Variants in PDAP1 observed in about 807,000 individuals in gnomAD.
The protein encoded by PDAP1 is PDGFA associated protein 1, also known as 28 kDa heat- and acid-stable phosphoprotein.
Under a neutral mutation model 28.0 loss-of-function variants are expected in PDAP1, and 13 were observed. The observed-to-expected ratio is 0.46, with a 90% CI of 0.30 to 0.74. PDAP1 has a LOEUF of 0.74. PDAP1 is among the 30% of genes least tolerant of loss of function. The pLI, the probability that PDAP1 is intolerant of heterozygous loss-of-function variation, is 0.07. For missense variants in PDAP1, 150 were observed against 230.0 expected, an observed-to-expected ratio of 0.65 and a Z score of 2.25; for synonymous variants, 77 against 85.1, an observed-to-expected ratio of 0.91 and a Z score of 0.52.
chr7:99,403,457 T>G lies in PDAP1; in HGVS notation c.154A>C (p.Lys52Gln). 6.2e-7 allele frequency: 1 copy of G among 1,612,938 alleles called. No homozygotes were observed. Among genetic ancestry groups the G allele is most frequent in the Non-Finnish European group, 8.5e-7 (1 of 1,178,896 alleles). ...GAGTCTAGAGATTTCTTCTCCTTTTTGGGGTCACCTGCAGCCCCATCTCCA... is the reference window on the plus strand; with the variant it reads ...GAGTCTAGAGATTTCTTCTCCTTTTGGGGGTCACCTGCAGCCCCATCTCCA... ...EGGDGAAGDP[K>Q]KEKKSLDSDE... The change falls in exon 3 of 6, where the codon AAA (lysine) becomes CAA (glutamine). Residue 52 changes from lysine to glutamine, a missense_variant. Coordinates refer to ENST00000350498, the MANE Select transcript of PDAP1 (RefSeq NM_014891.7).
Position 99,401,621 on chromosome 7 carries a change from G to A in PDAP1, c.214-1197C>T, listed in dbSNP as rs550685799. The stretch of plus-strand genomic sequence containing the variant: ...ATTACAGGTGTGAGCCACCACACCC[G>A]GCCCAGGATTTCTGATCTGAACACT... On this transcript the variant is annotated intron_variant, in intron 3 of 5. Transcript: ENST00000350498. Among the ~76,000 whole-genome samples the A allele has an allele frequency of 2.6e-5, 4 of 152,016 alleles. 1 individual carries two copies. Among genetic ancestry groups the A allele is most frequent in the Middle Eastern group, 6.8e-3 (2 of 294 alleles).
chr7:99,400,492 CAT>C, intron 3 of PDAP1, 68 bp from the exon 4 acceptor site: 1 of 1,578,426 alleles, frequency 6.3e-7, no homozygotes, highest in Non-Finnish European at 8.7e-7. Context: ...CCACTCCTGC[CAT>C]CTCTCAACAG....
chr7:99,400,990 G>A (rs1291843235), intron 3 of PDAP1, among the ~76,000 whole-genome samples: 1 of 152,162 alleles, frequency 6.6e-6, no homozygotes, highest in Admixed American at 6.5e-5. Context: ...AGAAGTTCCA[G>A]AAGAAGGGGG....
At chr7:99,404,462 G>A (rs768618231) in intron 2 of PDAP1, among the ~76,000 whole-genome samples, 7 of 152,130 alleles carry the variant, frequency 4.6e-5, no homozygotes, top group Non-Finnish European at 8.8e-5. Context: ...TGATGCTGGG[G>A]GTGTGGGAAG....
At chr7:99,398,338 G>C (rs190873135) in intron 4 of PDAP1, among the ~76,000 whole-genome samples, 7 of 152,348 alleles carry the variant, frequency 4.6e-5, no homozygotes, top group Non-Finnish European at 1.0e-4. Flanking sequence ...AGGGGGACCA[G>C]GCCAAGAGTG....
chr7:99,396,900 G>A (rs1251801450), intron 5 of PDAP1, among the ~76,000 whole-genome samples, 160 bp from the exon 6 acceptor site: 2 of 151,858 alleles, frequency 1.3e-5, no homozygotes, highest in Non-Finnish European at 2.9e-5. Flanking sequence ...TGCTGCAGCT[G>A]TAACCCCGGG....
intron 1 of PDAP1, among the ~76,000 whole-genome samples, chr7:99,405,184 G>A (rs1562825397): frequency 6.6e-6 from 1 of 152,206 alleles, no homozygotes; most frequent in Non-Finnish European, 1.5e-5. Flanking sequence ...CTCCTACACA[G>A]AAGACCGGAG....
chr7:99,404,716 CT>C, intron 2 of PDAP1, 145 bp downstream of exon 2: 1 of 601,218 alleles, frequency 1.7e-6, no homozygotes, highest in Non-Finnish European at 3.0e-6. Context: ...TGTTCTGAGA[CT>C]CACACCTGGG....
Position 99,403,512 on chromosome 7 carries a change from C to G in PDAP1, c.106-7G>C. ...CTTTTTGCTCCTCTTCTTCCTGTTT[C>G]AGAAATGGACAACCTGCAGAATCAA... On this transcript the variant is annotated splice_polypyrimidine_tract_variant and splice_region_variant and intron_variant, in intron 2 of 5. Transcript: ENST00000350498. 1 of 1,563,224 alleles carries G rather than the reference C, an allele frequency of 6.4e-7. No individual in the cohort carries two copies. Among genetic ancestry groups the G allele is most frequent in the Non-Finnish European group, 8.8e-7 (1 of 1,133,646 alleles).
chr7:99,403,146 A>G (rs919716146), intron 3 of PDAP1, among the ~76,000 whole-genome samples: 1 of 152,132 alleles, frequency 6.6e-6, no homozygotes, highest in Non-Finnish European at 1.5e-5. Flanking sequence ...TTCAGATCTC[A>G]GTTTATAAGT....
intron 3 of PDAP1, 148 bp from the exon 4 acceptor site, chr7:99,400,572 T>A: frequency 1.2e-6 from 1 of 817,560 alleles, no homozygotes; most frequent in Non-Finnish European, 1.9e-6. Flanking sequence ...AGTCTCACAG[T>A]GGGTATAGCT....
At chr7:99,398,868 G>A (rs1431261448) in intron 4 of PDAP1, among the ~76,000 whole-genome samples, 2 of 152,236 alleles carry the variant, frequency 1.3e-5, no homozygotes, top group African/African-American at 4.8e-5. Flanking sequence ...CAAGGGGACA[G>A]CCCCCATCAG....
chr7:99,396,530 C>T lies in PDAP1; in HGVS notation c.*152G>A. The T allele has an allele frequency of 4.4e-5, 18 of 406,198 alleles. No homozygotes were observed. Among genetic ancestry groups the T allele is most frequent in the Non-Finnish European group, 7.5e-5 (15 of 200,456 alleles). 25.2% of individuals were successfully genotyped at this position (406,198 alleles called of 1,614,324 possible). A position where few individuals can be genotyped will look rare whatever the true frequency, so the allele number is the denominator to read the frequency against. ...CCCCCCCCCATCCCCCAAACAATTT[C>T]TGTGCCAAGATGAAGAGGAGGCCCC... On this transcript the variant is annotated 3_prime_UTR_variant, in exon 6 of 6. Transcript: ENST00000350498.
rs1437771974 is a variant in PDAP1 at position 99,398,133 on chromosome 7, CTG to C, written c.336-122_336-121del. On this transcript the variant is annotated intron_variant, in intron 4 of 5. Transcript: ENST00000350498. ...GGCCGAGGTGGAAGGGGTGCCCTGG[CTG>C]TGAGTCCCTGCCTCCATGAACCCCC... 5.7e-6 allele frequency: 6 copies of C among 1,049,286 alleles called. No homozygotes were observed. In the African/African-American group the frequency reaches 6.3e-5, roughly 11 times the overall value. The allele number at this position is 1,049,286 out of a possible 1,614,324, so 65.0% of individuals were successfully genotyped here.
At position 99,400,326 on chromosome 7, in the gene PDAP1, T is replaced by C. The variant is rs1284932341; in HGVS notation, c.312A>G (p.Pro104=). The change falls in exon 4 of 6, where the codon CCA becomes CCG. Residue 104 remains proline, a synonymous_variant. Coordinates refer to ENST00000350498, the MANE Select transcript of PDAP1 (RefSeq NM_014891.7). ...ACCGTTCTCTCCTCGAAAGCTCCTT[T>C]GGCCCGTCCAGATCCAGTTGTGTGA... ...KKVTQLDLDG[P]KELSRREREE... The C allele has an allele frequency of 1.2e-6, 2 of 1,613,810 alleles. No individual in the cohort carries two copies. The highest frequency in any genetic ancestry group is 2.7e-5 in the African/African-American group (2 of 74,916).
chr7:99,403,427 C>T lies in PDAP1; in HGVS notation c.184G>A (p.Glu62Lys), dbSNP rs768782497. The change falls in exon 3 of 6, where the codon GAG becomes AAG. Residue 62 changes from glutamate to lysine, a missense_variant. Physicochemically the swap from Glu to Lys is moderately conservative, Grantham distance 56. Coordinates refer to ENST00000350498, the MANE Select transcript of PDAP1 (RefSeq NM_014891.7). ...TAGTCATCTTCTTCATCCTCACTCT[C>T]ATCTGAGTCTAGAGATTTCTTCTCC... ...KKEKKSLDSDESEDEEDDYQQ... is the reference protein window; with the variant it reads ...KKEKKSLDSDKSEDEEDDYQQ... The T allele has an allele frequency of 6.8e-6, 11 of 1,607,670 alleles. No individual in the cohort carries two copies. The highest frequency in any genetic ancestry group is 2.2e-5 in the South Asian group (2 of 90,966).
chr7:99,407,051 T>G (rs1359746846), intron 1 of PDAP1, among the ~76,000 whole-genome samples: 1 of 152,240 alleles, frequency 6.6e-6, no homozygotes, highest in East Asian at 1.9e-4. Context: ...GACCCTGACC[T>G]TAGCTTGGTC....
In PDAP1 at chr7:99,400,407, A is replaced by T. The variant is rs1794842428; in HGVS notation, c.231T>A (p.Val77=). Residue 77 remains valine, a synonymous_variant, in exon 4 of 6, where the codon GTT becomes GTA. Coordinates refer to ENST00000350498, the MANE Select transcript of PDAP1 (RefSeq NM_014891.7). ...EDDYQQKRKG[V]EGLIDIENPN... ...GGTTCTCGATGTCGATGAGCCCTTC[A>T]ACGCCTTTGCGCTTTTGCTAGAACA... 1 of 1,614,142 alleles carries T rather than the reference A, an allele frequency of 6.2e-7. No individual in the cohort carries two copies. The highest frequency in any genetic ancestry group is 1.3e-5 in the African/African-American group (1 of 75,052).
rs574735601 is a variant in PDAP1 at position 99,406,742 on chromosome 7, C to T, written c.14-1789G>A. 1.5e-5 allele frequency: 6 copies of T among 391,986 alleles called. No individual in the cohort carries two copies. In the South Asian group the frequency reaches 6.4e-4, roughly 42 times the overall value. The allele number at this position is 391,986 out of a possible 1,614,324, so 24.3% of individuals were successfully genotyped here. A position where few individuals can be genotyped will look rare whatever the true frequency, so the allele number is the denominator to read the frequency against. Reference sequence around the variant, plus strand: ...TAGTCTGTCTCTGTGAGCAGAGACTCTGTAATCAGCCAGAGTTGCTCTGCA... The same window carrying T: ...TAGTCTGTCTCTGTGAGCAGAGACTTTGTAATCAGCCAGAGTTGCTCTGCA... On this transcript the variant is annotated intron_variant, in intron 1 of 5. Coordinates refer to ENST00000350498, the MANE Select transcript of PDAP1 (RefSeq NM_014891.7).
Sources: gnomAD v4.1 joint callset for allele counts (sites outside exome capture counted in the v4.1 genomes callset) on GRCh38, gnomAD v4.1.1 for gene constraint, MANE v1.5 for transcripts, NCBI Gene and HGNC (gene_info 2026-07-23, HGNC 2026-07-21) for gene names.